LRCH3: variants seen among roughly 807,000 people sequenced by gnomAD.
LRCH3 encodes DISP complex protein LRCH3.
In LRCH3, 68 loss-of-function variants were observed where a neutral mutation model predicts 104.5. That is an observed-to-expected ratio of 0.65 (90% CI 0.54 to 0.80). The LOEUF is 0.80. Among genes scored for constraint, LRCH3 ranks in the 30% least tolerant of loss-of-function variants. The pLI is 0.00. For synonymous variants in LRCH3, 344 were observed against 361.3 expected (o/e 0.95, Z 0.54); for missense variants, 951 against 953.9 (o/e 1.00, Z 0.04).
intron 15 of LRCH3, 42 bp downstream of exon 15, chr3:197,858,947 A>C (rs185724325): frequency 6.7e-7 from 1 of 1,498,654 alleles, no homozygotes; most frequent in Admixed American, 1.7e-5. Flanking sequence ...TTTGGGGAGG[A>C]GGTGGATATA....
rs142631977 is a variant in LRCH3, at chr3:197,814,915, G to A, written c.270G>A (p.Ser90=). The A allele has an allele frequency of 4.1e-4, 655 of 1,590,512 alleles. 1 individual carries two copies. Among genetic ancestry groups the A allele is most frequent in the African/African-American group, 2.0e-3 (149 of 73,896 alleles). The change falls in exon 2 of 21, where the codon TCG becomes TCA. Residue 90 remains serine, a synonymous_variant. Coordinates refer to ENST00000425562, the MANE Select transcript of LRCH3 (RefSeq NM_001365715.1). ...ATTTAATTTTTCTTTTAGACCTGTC[G>A]CGAAATCGCCTTTCAGAAATTCCTA... ...DLTDTTRADL[S]RNRLSEIPIE...
chr3:197,809,596 C>T (rs1708461), intron 1 of LRCH3, among the ~76,000 whole-genome samples: 113,129 of 149,456 alleles, frequency 0.76, 44,147 homozygotes, highest in East Asian at 0.94. Context: ...TTTTTTTTTT[C>T]CCCCAATCTG....
At chr3:197,809,534 G>A (rs1481061315) in intron 1 of LRCH3, among the ~76,000 whole-genome samples, 1 of 151,618 alleles carries the variant, frequency 6.6e-6, no homozygotes, top group Non-Finnish European at 1.5e-5. Flanking sequence ...CTGATGACAT[G>A]AGTGTTAGAT....
At chr3:197,850,060 G>T (rs1385328169) in intron 12 of LRCH3, among the ~76,000 whole-genome samples, 1 of 152,176 alleles carries the variant, frequency 6.6e-6, no homozygotes, top group Non-Finnish European at 1.5e-5. Flanking sequence ...AGGAAGAAAA[G>T]ACTGGATGAT....
chr3:197,795,793 A>G (rs1731144914), intron 1 of LRCH3, among the ~76,000 whole-genome samples: 1 of 147,458 alleles, frequency 6.8e-6, no homozygotes, highest in Admixed American at 7.0e-5. Flanking sequence ...CCTGGGTTCA[A>G]GTGATTTTCC....
intron 9 of LRCH3, among the ~76,000 whole-genome samples, chr3:197,836,938 A>G (rs1736885925): frequency 6.6e-6 from 1 of 152,152 alleles, no homozygotes; most frequent in South Asian, 2.1e-4. Context: ...TCAGCCTCCC[A>G]AAGTGCTGGG....
chr3:197,862,235 A>G (rs532676884), intron 15 of LRCH3, among the ~76,000 whole-genome samples: 3 of 152,278 alleles, frequency 2.0e-5, no homozygotes, highest in South Asian at 2.1e-4. Flanking sequence ...ACCTCAGGCA[A>G]TCTGCCCACC....
At chr3:197,880,891 T>G in intron 20 of LRCH3, 1 of 1,434,184 alleles carries the variant, frequency 7.0e-7, no homozygotes, top group Admixed American at 2.8e-5. Context: ...CTCACATTAG[T>G]AAACATTTAC....
intron 1 of LRCH3, among the ~76,000 whole-genome samples, chr3:197,812,400 T>C (rs1168758942): frequency 6.6e-6 from 1 of 152,082 alleles, no homozygotes; most frequent in Non-Finnish European, 1.5e-5. Context: ...GAAATATCTG[T>C]TCACCCATTG....
chr3:197,800,244 A>AT (rs973907398), intron 1 of LRCH3, among the ~76,000 whole-genome samples: 1 of 152,174 alleles, frequency 6.6e-6, no homozygotes, highest in Non-Finnish European at 1.5e-5. Context: ...TTTTCATATC[A>AT]TAGAGAGTGG....
In LRCH3 at chr3:197,879,518, C is replaced by G. The variant is rs575343612; in HGVS notation, c.2208+3743C>G. ...AAAATTAGCCGGGCGTGGTGGCGGGCGCCTGTAGTCCCAGCTGCTCGGGAG... is the reference window on the plus strand; with the variant it reads ...AAAATTAGCCGGGCGTGGTGGCGGGGGCCTGTAGTCCCAGCTGCTCGGGAG... On this transcript the variant is annotated intron_variant, in intron 20 of 20. Transcript: ENST00000425562. Among the ~76,000 whole-genome samples, 10 of 151,362 alleles carry G rather than the reference C, an allele frequency of 6.6e-5. 1 individual carries two copies. Among genetic ancestry groups the G allele is most frequent in the African/African-American group, 2.5e-4 (10 of 40,778 alleles).
chr3:197,827,225 A>G (rs114765782), intron 5 of LRCH3, among the ~76,000 whole-genome samples: 1,824 of 151,980 alleles, frequency 0.012, 29 homozygotes, highest in Middle Eastern at 0.041. Flanking sequence ...GCATCAGGTA[A>G]ACCATGGTGG....
intron 12 of LRCH3, chr3:197,850,508 G>T: frequency 6.3e-7 from 1 of 1,591,804 alleles, no homozygotes; most frequent in South Asian, 1.1e-5. Flanking sequence ...TTTCCATAAG[G>T]ATCATCTCAA....
At chr3:197,844,791 G>A (rs1201663995) in intron 10 of LRCH3, among the ~76,000 whole-genome samples, 6 of 151,546 alleles carry the variant, frequency 4.0e-5, no homozygotes, top group Admixed American at 1.3e-4. Context: ...CCAGTTTTTC[G>A]TATTTTTTTA....
At chr3:197,808,119 A>C (rs1284845220) in intron 1 of LRCH3, among the ~76,000 whole-genome samples, 1 of 152,166 alleles carries the variant, frequency 6.6e-6, no homozygotes. Context: ...AGTACTTTTA[A>C]AGAGGTAATT....
chr3:197,880,501 A>G (rs895640212), intron 20 of LRCH3: 1 of 1,533,020 alleles, frequency 6.5e-7, no homozygotes, highest in Non-Finnish European at 8.7e-7. Context: ...TCCTGCTTAC[A>G]CTTTGGACAG....
intron 8 of LRCH3, among the ~76,000 whole-genome samples, chr3:197,835,037 G>A (rs1335852208): frequency 6.6e-6 from 1 of 152,050 alleles, no homozygotes; most frequent in Non-Finnish European, 1.5e-5. Flanking sequence ...CCAGCTACTT[G>A]GGAGGCTGAG....
intron 1 of LRCH3, among the ~76,000 whole-genome samples, chr3:197,792,111 C>T (rs1231737177): frequency 6.6e-6 from 1 of 151,020 alleles, no homozygotes; most frequent in African/African-American, 2.4e-5. Flanking sequence ...TAAAGTGAAC[C>T]CCAAAGAAGT....
At chr3:197,828,842 G>C (rs1735562056) in intron 5 of LRCH3, among the ~76,000 whole-genome samples, 1 of 151,174 alleles carries the variant, frequency 6.6e-6, no homozygotes, top group African/African-American at 2.4e-5. Flanking sequence ...CGAGTAGCTG[G>C]GATTACAAGC....
Sources: gnomAD v4.1 joint callset for allele counts (sites outside exome capture counted in the v4.1 genomes callset) on GRCh38, gnomAD v4.1.1 for gene constraint, MANE v1.5 for transcripts, NCBI Gene and HGNC (gene_info 2026-07-23, HGNC 2026-07-21) for gene names.